DIAPH3: variants seen among roughly 807,000 people sequenced by gnomAD.
DIAPH3 encodes protein diaphanous homolog 3.
A neutral mutation model predicts 144.3 loss-of-function variants in DIAPH3; 117 were observed. The observed-to-expected ratio is 0.81, with a 90% CI of 0.70 to 0.95. The LOEUF (loss-of-function observed/expected upper bound fraction) is 0.95, where lower values mean the gene tolerates loss of function less well. Ranked by LOEUF, DIAPH3 falls within the 40% of genes least tolerant of loss-of-function variation. DIAPH3 has a pLI of 0.00. For synonymous variants in DIAPH3, 519 were observed against 488.9 expected, an observed-to-expected ratio of 1.06 and a Z score of -0.81; for missense variants, 1,421 against 1,412.7, an observed-to-expected ratio of 1.01 and a Z score of -0.09.
intron 9 of DIAPH3, among the ~76,000 whole-genome samples, chr13:59,993,608 A>G (rs1221048955): frequency 6.7e-6 from 1 of 150,048 alleles, no homozygotes; most frequent in Non-Finnish European, 1.5e-5. Flanking sequence ...AAGCATTAAA[A>G]TCTGACCAGC....
intron 15 of DIAPH3, 68 bp downstream of exon 15, chr13:59,974,284 G>A: frequency 9.0e-7 from 1 of 1,107,904 alleles, no homozygotes; most frequent in Non-Finnish European, 1.4e-6. Context: ...ATGCTATGAA[G>A]ATATAACATA....
intron 27 of DIAPH3, among the ~76,000 whole-genome samples, chr13:59,711,836 T>A (rs2034763209): frequency 6.6e-6 from 1 of 152,142 alleles, no homozygotes; most frequent in South Asian, 2.1e-4. Flanking sequence ...AAAAAAAAAT[T>A]GTTGCACGAA....
intron 1 of DIAPH3, among the ~76,000 whole-genome samples, chr13:60,152,559 TA>T (rs1352503854): frequency 1.8e-4 from 25 of 139,384 alleles, no homozygotes; most frequent in Admixed American, 3.6e-4. Context: ...AAAATTGAAT[TA>T]AAAAAAAAAG....
chr13:60,050,666 CCT>C (rs2056295121), intron 4 of DIAPH3, among the ~76,000 whole-genome samples: 1 of 152,020 alleles, frequency 6.6e-6, no homozygotes, highest in South Asian at 2.1e-4. Context: ...TATGCCATCC[CCT>C]GATAGGATCT....
At chr13:59,983,635 G>C (rs1363819274) in intron 13 of DIAPH3, 134 bp downstream of exon 13, 1 of 630,810 alleles carries the variant, frequency 1.6e-6, no homozygotes, top group African/African-American at 1.9e-5. Flanking sequence ...TAATGTTTTT[G>C]TGCTATTATG....
At chr13:60,114,272 G>GA (rs200853127) in intron 2 of DIAPH3, among the ~76,000 whole-genome samples, 33,330 of 140,622 alleles carry the variant, frequency 0.24, 3,920 homozygotes, top group South Asian at 0.29. Flanking sequence ...CACAGATTAA[G>GA]AAAAAAAAAA....
intron 17 of DIAPH3, among the ~76,000 whole-genome samples, chr13:59,964,655 A>G (rs1045961283): frequency 1.3e-5 from 2 of 152,094 alleles, no homozygotes; most frequent in Non-Finnish European, 2.9e-5. Flanking sequence ...AAGCTTTCAA[A>G]ATAAATTTCC....
At chr13:59,745,796 T>C (rs1303355018) in intron 27 of DIAPH3, among the ~76,000 whole-genome samples, 2 of 152,354 alleles carry the variant, frequency 1.3e-5, no homozygotes, top group South Asian at 2.1e-4. Context: ...ATGCATACCT[T>C]AGGGATATGT....
chr13:59,755,934 A>C (rs796468366), intron 27 of DIAPH3, among the ~76,000 whole-genome samples: 15 of 152,346 alleles, frequency 9.8e-5, no homozygotes, highest in African/African-American at 3.6e-4. Flanking sequence ...TCAGACACTG[A>C]AATATATGGC....
intron 17 of DIAPH3, among the ~76,000 whole-genome samples, chr13:59,962,040 T>C (rs1212203853): frequency 2.6e-5 from 4 of 152,144 alleles, no homozygotes; most frequent in Non-Finnish European, 4.4e-5. Flanking sequence ...AACATTATTC[T>C]AAGTTGGATG....
intron 24 of DIAPH3, among the ~76,000 whole-genome samples, chr13:59,811,736 C>CA (rs59712985): frequency 0.18 from 10,255 of 56,044 alleles, 815 homozygotes; most frequent in East Asian, 0.22. Context: ...GACTCTGTCT[C>CA]AAAAAAAAAA....
chr13:59,907,831 TAGAA>T (rs1210727816), intron 20 of DIAPH3, among the ~76,000 whole-genome samples: 6 of 152,294 alleles, frequency 3.9e-5, no homozygotes, highest in South Asian at 4.1e-4. Flanking sequence ...ATGACTTAAT[TAGAA>T]AGAGAGGTAA....
In DIAPH3 at chr13:60,015,910, T is replaced by C. The variant is rs1381307754; in HGVS notation, c.771+3A>G. On this transcript the variant is annotated splice_donor_region_variant and intron_variant, in intron 7 of 27. Coordinates refer to ENST00000400324, the MANE Select transcript of DIAPH3 (RefSeq NM_001042517.2). ...GACAAATACTAATTACGTATGTACA[T>C]ACCTGCGTATTCATCAGGGCTTTTA... is the stretch of plus-strand genomic sequence containing the variant. The C allele has an allele frequency of 6.2e-7, 1 of 1,609,402 alleles. No individual in the cohort carries two copies. The highest frequency in any genetic ancestry group is 1.3e-5 in the African/African-American group (1 of 74,956).
chr13:60,083,992 TGATAGATA>T (rs59715618), intron 4 of DIAPH3, among the ~76,000 whole-genome samples: 1 of 143,474 alleles, frequency 7.0e-6, no homozygotes, highest in Non-Finnish European at 1.5e-5. Context: ...CACTTTTGAG[TGATAGATA>T]GATAGACAGA....
At chr13:59,891,087 T>C (rs549756929) in intron 20 of DIAPH3, among the ~76,000 whole-genome samples, 15 of 151,994 alleles carry the variant, frequency 9.9e-5, no homozygotes, top group Non-Finnish European at 1.9e-4. Context: ...GTTTCCAAAA[T>C]AGTCTTACAA....
intron 1 of DIAPH3, among the ~76,000 whole-genome samples, chr13:60,139,808 T>C (rs975840797): frequency 6.6e-6 from 1 of 152,180 alleles, no homozygotes; most frequent in Admixed American, 6.5e-5. Context: ...AGGAAAAATA[T>C]AATGGCTAAT....
intron 1 of DIAPH3, among the ~76,000 whole-genome samples, chr13:60,134,457 A>T (rs2059218195): frequency 6.6e-6 from 1 of 152,166 alleles, no homozygotes; most frequent in South Asian, 2.1e-4. Context: ...CACCCCAGAG[A>T]CCATTACTAA....
At chr13:59,690,204 T>C (rs1023112699) in intron 27 of DIAPH3, among the ~76,000 whole-genome samples, 4 of 152,164 alleles carry the variant, frequency 2.6e-5, no homozygotes, top group African/African-American at 4.8e-5. Context: ...GTGAGCACTT[T>C]ATGCCATGAT....
At chr13:59,953,874 GA>G (rs1373027119) in intron 17 of DIAPH3, among the ~76,000 whole-genome samples, 1 of 152,170 alleles carries the variant, frequency 6.6e-6, no homozygotes, top group African/African-American at 2.4e-5. Flanking sequence ...AAAAGAATAT[GA>G]ATAGAAAGAG....
Sources: allele counts gnomAD v4.1 joint callset (sites outside exome capture counted in the v4.1 genomes callset), GRCh38; gene constraint gnomAD v4.1.1; transcripts MANE v1.5; gene names NCBI Gene and HGNC (gene_info 2026-07-23, HGNC 2026-07-21).